The following DOCK5 variants were observed in gnomAD, a reference collection of about 807,000 sequenced individuals.
DOCK5 encodes the protein dedicator of cytokinesis protein 5.
In DOCK5, 142 loss-of-function variants were observed where a neutral mutation model predicts 251.8. That is an observed-to-expected ratio of 0.56 (90% CI 0.49 to 0.65). The LOEUF (loss-of-function observed/expected upper bound fraction) is 0.65, where lower values mean the gene tolerates loss of function less well. Among genes scored for constraint, DOCK5 ranks in the 30% least tolerant of loss-of-function variants. DOCK5 has a pLI of 0.00. For missense variants in DOCK5, 2,111 were observed against 2,312.3 expected, an observed-to-expected ratio of 0.91 and a Z score of 1.79; for synonymous variants, 842 against 835.5, an observed-to-expected ratio of 1.01 and a Z score of -0.13.
intron 1 of DOCK5, among the ~76,000 whole-genome samples, chr8:25,187,229 ACG>A (rs1325385991): frequency 6.9e-5 from 10 of 145,622 alleles, no homozygotes; most frequent in African/African-American, 2.7e-4. Flanking sequence ...ACATATATAT[ACG>A]TATATATATA....
intron 1 of DOCK5, among the ~76,000 whole-genome samples, chr8:25,187,363 ATTGTGTGT>A (rs1203368353): frequency 7.5e-6 from 1 of 132,936 alleles, no homozygotes; most frequent in Non-Finnish European, 1.6e-5. Flanking sequence ...ATGGGTGGAA[ATTGTGTGT>A]GTGTGTGTGT....
intron 10 of DOCK5, 74 bp from the exon 11 acceptor site, chr8:25,304,181 A>C (rs1481541946): frequency 1.6e-6 from 2 of 1,275,512 alleles, no homozygotes; most frequent in African/African-American, 3.0e-5. Flanking sequence ...GTTTGCTGAT[A>C]CTGTCCTTTT....
intron 1 of DOCK5, among the ~76,000 whole-genome samples, chr8:25,202,895 T>C (rs1200042562): frequency 1.3e-5 from 2 of 152,208 alleles, no homozygotes; most frequent in African/African-American, 4.8e-5. Context: ...TGAATTTTTT[T>C]ATTTAATATT....
chr8:25,409,830 A>T (rs1424058247), intron 50 of DOCK5: 1 of 266,208 alleles, frequency 3.8e-6, no homozygotes, highest in Admixed American at 5.1e-5. Flanking sequence ...TGGGCAACAG[A>T]GCGAGACTCC....
At chr8:25,185,251 C>G (rs1801403196) in intron 1 of DOCK5, among the ~76,000 whole-genome samples, 1 of 152,136 alleles carries the variant, frequency 6.6e-6, no homozygotes, top group South Asian at 2.1e-4. Flanking sequence ...GAGGGGGGCG[C>G]GCCTGCTGCT....
At chr8:25,388,183 T>C (rs778423053) in intron 40 of DOCK5, among the ~76,000 whole-genome samples, 1 of 152,250 alleles carries the variant, frequency 6.6e-6, no homozygotes, top group Non-Finnish European at 1.5e-5. Flanking sequence ...AGGTAAGTTC[T>C]GTGAGAGCAA....
intron 31 of DOCK5, 80 bp from the exon 32 acceptor site, chr8:25,368,112 T>C (rs1800810778): frequency 1.4e-5 from 16 of 1,161,790 alleles, no homozygotes; most frequent in Middle Eastern, 1.9e-4. Context: ...ACACAGACTG[T>C]TTTTACTTTC....
intron 27 of DOCK5, among the ~76,000 whole-genome samples, chr8:25,353,578 T>C (rs1800510354): frequency 1.3e-5 from 2 of 152,178 alleles, no homozygotes; most frequent in South Asian, 4.1e-4. Context: ...TATTTTTTTT[T>C]TTACCAACAG....
intron 14 of DOCK5, 160 bp downstream of exon 14, chr8:25,317,291 A>G: frequency 9.6e-7 from 1 of 1,045,358 alleles, no homozygotes; most frequent in Non-Finnish European, 1.4e-6. Context: ...AGCAGTGAGC[A>G]GTTTCACTAA....
At chr8:25,239,817 C>G (rs1235477249) in intron 1 of DOCK5, among the ~76,000 whole-genome samples, 1 of 152,160 alleles carries the variant, frequency 6.6e-6, no homozygotes, top group African/African-American at 2.4e-5. Context: ...AGTCCATAAG[C>G]TCAATAGTAA....
intron 2 of DOCK5, among the ~76,000 whole-genome samples, chr8:25,260,214 G>A (rs962900484): frequency 6.6e-6 from 1 of 152,160 alleles, no homozygotes; most frequent in Admixed American, 6.5e-5. Context: ...GAAACCTGAC[G>A]AGCTTACCTG....
chr8:25,296,610 G>C lies in DOCK5; in HGVS notation c.568G>C (p.Ala190Pro). 1.9e-6 allele frequency: 3 copies of C among 1,612,546 alleles called. No individual in the cohort carries two copies. Among genetic ancestry groups the C allele is most frequent in the Non-Finnish European group, 2.5e-6 (3 of 1,179,346 alleles). The change falls in exon 7 of 52, where the codon GCC becomes CCC. Residue 190 changes from alanine to proline, a missense_variant. By Grantham distance (27) the Ala-to-Pro change is conservative. Around this residue, in one of 3 missense-constraint regions of DOCK5, gnomAD observed 335 missense variants for 324.9 expected, o/e 1.03. Transcript: ENST00000276440. ...TIALFKAHEV[A>P]SKRIEEKIQE... Reference sequence around the variant, plus strand: ...TGCCCTCTTCAAGGCCCATGAGGTGGCCTCCAAAAGGATTGAGGAAAAGAT... The same window carrying C: ...TGCCCTCTTCAAGGCCCATGAGGTGCCCTCCAAAAGGATTGAGGAAAAGAT...
intron 2 of DOCK5, among the ~76,000 whole-genome samples, chr8:25,268,099 G>T (rs1563331649): frequency 6.6e-6 from 1 of 152,040 alleles, no homozygotes; most frequent in African/African-American, 2.4e-5. Flanking sequence ...CTGACGTCAT[G>T]ATCCACCTGC....
rs994570223 is a variant in DOCK5 at position 25,293,107 on chromosome 8, C to T, written c.470+935C>T. Among the ~76,000 whole-genome samples the T allele has an allele frequency of 2.3e-4, 35 of 152,164 alleles. 1 individual carries two copies. Among genetic ancestry groups the T allele is most frequent in the Non-Finnish European group, 7.3e-5 (5 of 68,040 alleles). On this transcript the variant is annotated intron_variant, in intron 6 of 51. Transcript: ENST00000276440. ...AATTGGTGGTGGCCTGGGGTTTTTG[C>T]CTCCTGACCAGCACTTTTTTAAAAG...
intron 29 of DOCK5, among the ~76,000 whole-genome samples, chr8:25,363,517 T>G (rs1027473045): frequency 1.3e-5 from 2 of 152,252 alleles, no homozygotes; most frequent in African/African-American, 2.4e-5. Context: ...ATTCTTCTTA[T>G]GAACATTTAG....
chr8:25,363,309 C>CA (rs1214536286), intron 29 of DOCK5, among the ~76,000 whole-genome samples, 168 bp downstream of exon 29: 4 of 152,166 alleles, frequency 2.6e-5, no homozygotes, highest in African/African-American at 9.7e-5. Context: ...CTTGATTTTC[C>CA]CAGGGTAATT....
At chr8:25,383,576 C>T (rs1037484872) in intron 40 of DOCK5, among the ~76,000 whole-genome samples, 1 of 152,152 alleles carries the variant, frequency 6.6e-6, no homozygotes, top group Non-Finnish European at 1.5e-5. Flanking sequence ...ATCTGCATGT[C>T]GGACGCAGTG....
chr8:25,396,858 A>G (rs574029250), intron 45 of DOCK5, among the ~76,000 whole-genome samples: 40 of 151,508 alleles, frequency 2.6e-4, no homozygotes, highest in Admixed American at 1.1e-3. Flanking sequence ...CTGGCTTCCA[A>G]TTGGCCACTG....
At chr8:25,279,721 A>T (rs894727389) in intron 5 of DOCK5, among the ~76,000 whole-genome samples, 22 of 151,920 alleles carry the variant, frequency 1.4e-4, no homozygotes, top group African/African-American at 5.1e-4. Flanking sequence ...AAGTTCAAGC[A>T]ATTCTGCCTC....
Sources: allele counts gnomAD v4.1 joint callset (sites outside exome capture counted in the v4.1 genomes callset), GRCh38; gene constraint gnomAD v4.1.1; regional missense constraint gnomAD v4.1.1; transcripts MANE v1.5; gene names NCBI Gene and HGNC (gene_info 2026-07-23, HGNC 2026-07-21).